The following SPRR1A variants were observed in gnomAD, a reference collection of about 807,000 sequenced individuals.
SPRR1A encodes cornifin-A.
For missense variants in SPRR1A, 123 were observed against 105.4 expected, an observed-to-expected ratio of 1.17 and a Z score of -0.73; for synonymous variants, 40 against 39.2, an observed-to-expected ratio of 1.02 and a Z score of -0.07.
upstream of SPRR1A, among the ~76,000 whole-genome samples, chr1:152,984,850 TG>T (rs1313924193): frequency 4.6e-5 from 7 of 152,168 alleles, no homozygotes; most frequent in East Asian, 1.4e-3. Context: ...GCTTTCTACA[TG>T]GTACTAGGAG....
At chr1:152,984,487 G>GCATTTATTC (rs1652248468), upstream of SPRR1A, among the ~76,000 whole-genome samples, 1 of 152,134 alleles carries the variant, frequency 6.6e-6, no homozygotes, top group African/African-American at 2.4e-5. Flanking sequence ...TCTCTACTGA[G>GCATTTATTC]CATTTATTCC....
At chr1:152,984,591 A>G (rs1227171619), upstream of SPRR1A, among the ~76,000 whole-genome samples, 1 of 152,208 alleles carries the variant, frequency 6.6e-6, no homozygotes, top group Non-Finnish European at 1.5e-5. Flanking sequence ...ATACATATAT[A>G]TAAATAAATG....
rs1652274993 is a variant in SPRR1A at position 152,985,310 on chromosome 1, C to T, written c.80C>T (p.Pro27Leu). The T allele has an allele frequency of 1.9e-6, 3 of 1,613,838 alleles. No individual in the cohort carries two copies. In the South Asian group the frequency reaches 3.3e-5, roughly 18 times the overall value. The change falls in exon 1 of 1, where the codon CCT (proline) becomes CTT (leucine). Residue 27 changes from proline (P) to leucine (L), a missense_variant. Transcript: ENST00000368762. ...CAGCAGGTGAAACAACCTTGCCAGC[C>T]TCCACCCCAGGAACCATGCATCCCC...
At chr1:152,984,222 G>A (rs1611756), upstream of SPRR1A, among the ~76,000 whole-genome samples, 5,053 of 152,202 alleles carry the variant, frequency 0.033, 302 homozygotes, top group African/African-American at 0.11. Flanking sequence ...TTAATCCAGG[G>A]TTTCAATGGG....
exon 1 of SPRR1A, chr1:152,985,406 C>T: frequency 6.4e-7 from 1 of 1,564,146 alleles, no homozygotes; most frequent in African/African-American, 1.4e-5. Context: ...CCCTGCCAGC[C>T]CAAGGTTCCA....
chr1:152,984,096 C>A (rs1652229116), upstream of SPRR1A, among the ~76,000 whole-genome samples: 1 of 152,124 alleles, frequency 6.6e-6, no homozygotes, highest in South Asian at 2.1e-4. Context: ...ACCCAAGGGA[C>A]CACACAGCCC....
At chr1:152,985,762 A>G (rs1129654), downstream of SPRR1A, among the ~76,000 whole-genome samples, 88,446 of 152,032 alleles carry the variant, frequency 0.58, 26,206 homozygotes, top group African/African-American at 0.69. Context: ...GATTTGGGGA[A>G]GGATCAAGTG....
upstream of SPRR1A, among the ~76,000 whole-genome samples, chr1:152,984,936 A>G (rs1652262463): frequency 2.0e-5 from 3 of 152,324 alleles, no homozygotes; most frequent in South Asian, 6.2e-4. Context: ...CAGCTTTAGT[A>G]GGGCATTTTT....
At chr1:152,985,099 A>G, upstream of SPRR1A, 1 of 1,284,790 alleles carries the variant, frequency 7.8e-7, no homozygotes, top group Non-Finnish European at 1.1e-6. Context: ...TGGGGGAGTT[A>G]AGGGAGATGA....
exon 1 of SPRR1A, chr1:152,985,263 C>T: frequency 6.2e-7 from 1 of 1,613,280 alleles, no homozygotes; most frequent in South Asian, 1.1e-5. Flanking sequence ...AGCCTTGCAC[C>T]CCACCCCCTC....
chr1:152,985,107 T>C, upstream of SPRR1A: 1 of 1,360,118 alleles, frequency 7.4e-7, no homozygotes, highest in Non-Finnish European at 1.0e-6. Flanking sequence ...TTAAGGGAGA[T>C]GAAAGGCTTT....
At chr1:152,985,291 G>A (rs1415077372) in exon 1 of SPRR1A, 1 of 1,613,832 alleles carries the variant, frequency 6.2e-7, no homozygotes, top group East Asian at 2.2e-5. Flanking sequence ...GCAGCAGCAG[G>A]TGAAACAACC....
chr1:152,985,376 G>T (rs773118857), exon 1 of SPRR1A: 15 of 1,572,750 alleles, frequency 9.5e-6, no homozygotes, highest in Non-Finnish European at 9.6e-6. Context: ...CCTGAGCCCT[G>T]CCACCCCAAA....
exon 1 of SPRR1A, chr1:152,985,267 C>G (rs145535459): frequency 2.5e-6 from 4 of 1,613,574 alleles, no homozygotes; most frequent in Non-Finnish European, 2.5e-6. Flanking sequence ...TTGCACCCCA[C>G]CCCCTCAGCC....
At chr1:152,985,363 G>A in exon 1 of SPRR1A, 1 of 1,560,784 alleles carries the variant, frequency 6.4e-7, no homozygotes. Flanking sequence ...CCACCCCAAG[G>A]TGCCTGAGCC....
At chr1:152,985,726 T>C (rs1652298945), downstream of SPRR1A, among the ~76,000 whole-genome samples, 1 of 152,226 alleles carries the variant, frequency 6.6e-6, no homozygotes, top group Non-Finnish European at 1.5e-5. Flanking sequence ...GCTAGTCTTC[T>C]TGTTGCTCGG....
downstream of SPRR1A, chr1:152,985,507 C>T: frequency 6.2e-7 from 1 of 1,609,616 alleles, no homozygotes; most frequent in Non-Finnish European, 8.5e-7. Flanking sequence ...GTAATGTGGT[C>T]CACAGCCATG....
upstream of SPRR1A, among the ~76,000 whole-genome samples, chr1:152,984,980 G>A (rs547122319): frequency 2.6e-5 from 4 of 152,234 alleles, no homozygotes; most frequent in African/African-American, 9.6e-5. Flanking sequence ...GGGTAGGAAG[G>A]GAGCCAAGAA....
upstream of SPRR1A, among the ~76,000 whole-genome samples, chr1:152,984,759 T>C (rs1333460629): frequency 6.6e-6 from 1 of 151,678 alleles, no homozygotes; most frequent in Non-Finnish European, 1.5e-5. Context: ...AGAAAAGCAT[T>C]TGGAAGGGAC....
Sources: gnomAD v4.1 joint callset for allele counts (sites outside exome capture counted in the v4.1 genomes callset) on GRCh38, gnomAD v4.1.1 for gene constraint, MANE v1.5 for transcripts, NCBI Gene and HGNC (gene_info 2026-07-23, HGNC 2026-07-21) for gene names.